Variants in CD209 observed in about 807,000 individuals in gnomAD.
CD209 encodes the protein CD209 molecule, also known as CD209 antigen.
In CD209, 31 loss-of-function variants were observed where a neutral mutation model predicts 44.7. The observed-to-expected ratio is 0.69, with a 90% CI of 0.52 to 0.94. The LOEUF (loss-of-function observed/expected upper bound fraction) is 0.94. CD209 is among the 40% of genes least tolerant of loss of function. The probability of loss-of-function intolerance (pLI) is 0.00; values close to 1 mark genes in which losing one functional copy is unlikely to be tolerated. For synonymous variants in CD209, 173 were observed against 181.3 expected, an observed-to-expected ratio of 0.95 and a Z score of 0.37; for missense variants, 407 against 452.4, an observed-to-expected ratio of 0.90 and a Z score of 0.91.
In CD209 at chr19:7,744,143, G is replaced by A. The variant is rs146002807; in HGVS notation, c.977C>T (p.Thr326Met). The A allele has an allele frequency of 5.8e-5, 94 of 1,613,984 alleles. No homozygotes were observed. The highest frequency in any genetic ancestry group is 7.4e-5 in the Non-Finnish European group (87 of 1,179,972). ...AGGTGAGCCGTCCACCCATTGCCAC[G>A]TGCCTTCCTGATTTAGATCTGAAAG... is the stretch of plus-strand genomic sequence containing the variant. The part of the protein sequence containing the change: ...MGLSDLNQEG[T>M]WQWVDGSPLL... Residue 326 changes from threonine to methionine, a missense_variant, in exon 6 of 7, where the codon ACG (threonine) becomes ATG (methionine). Around this residue, in one of 3 missense-constraint regions of CD209, gnomAD observed 200 missense variants for 202.2 expected, o/e 0.99. Transcript: ENST00000315599.
In CD209 at chr19:7,744,191, C is replaced by A. The variant is rs1172498367; in HGVS notation, c.929G>T (p.Ser310Ile). Residue 310 changes from serine to isoleucine, a missense_variant, in exon 6 of 7, where the codon AGT becomes ATT. By Grantham distance (142) the Ser-to-Ile change is moderately radical (BLOSUM62 -2). This residue lies in a region of CD209 where 200 missense variants were observed against 202.2 expected (regional missense o/e 0.99). Coordinates refer to ENST00000315599, the MANE Select transcript of CD209 (RefSeq NM_021155.4). The stretch of plus-strand genomic sequence containing the variant: ...AAGTCCCATCCAGGTGAAGCGGTTA[C>A]TTCTGGAAGACTGCAGCTGTAGGAA... Reference protein sequence around the residue: ...QNFLQLQSSRSNRFTWMGLSD... With the variant: ...QNFLQLQSSRINRFTWMGLSD... 1.9e-6 allele frequency: 3 copies of A among 1,614,162 alleles called. No homozygotes were observed. Among genetic ancestry groups the A allele is most frequent in the Middle Eastern group, 1.6e-4 (1 of 6,062 alleles).
intron 5 of CD209, 123 bp downstream of exon 5, chr19:7,744,818 T>G: frequency 7.4e-7 from 1 of 1,352,406 alleles, no homozygotes; most frequent in Non-Finnish European, 1.0e-6. Flanking sequence ...ATTCATATCC[T>G]TCTCCTCCCT....
Position 7,744,928 on chromosome 19 carries a change from C to G in CD209, c.900+13G>C, listed in dbSNP as rs1402207989. 6.2e-7 allele frequency: 1 copy of G among 1,614,114 alleles called. No individual in the cohort carries two copies. The highest frequency in any genetic ancestry group is 1.1e-5 in the South Asian group (1 of 91,076). On this transcript the variant is annotated intron_variant, in intron 5 of 6. Coordinates refer to ENST00000315599, the MANE Select transcript of CD209 (RefSeq NM_021155.4). Reference sequence around the variant, plus strand: ...ATGCCCTAGGCCAGGACGGGGACCCCCACCAGGTGTACCTGCTCCTCAGCA... The same window carrying G: ...ATGCCCTAGGCCAGGACGGGGACCCGCACCAGGTGTACCTGCTCCTCAGCA...
In CD209 at chr19:7,741,693, G is replaced by A. The variant is rs1287096756; in HGVS notation, c.*1346C>T. The A allele has an allele frequency of 2.8e-6, 2 of 721,038 alleles. No individual in the cohort carries two copies. The highest frequency in any genetic ancestry group is 1.8e-5 in the African/African-American group (1 of 56,042). The allele number at this position is 721,038 out of a possible 1,614,324, so 44.7% of individuals were successfully genotyped here. A position where few individuals can be genotyped will look rare whatever the true frequency, so the allele number is the denominator to read the frequency against. ...CAGTGTGAATTCTGCCCAGTGGCTC[G>A]GTGGAAAATGATGATTTGTGGTTTA... On this transcript the variant is annotated 3_prime_UTR_variant, in exon 7 of 7. Coordinates refer to ENST00000315599, the MANE Select transcript of CD209 (RefSeq NM_021155.4).
Position 7,747,530 on chromosome 19 carries a change from A to T in CD209, c.-19T>A. On this transcript the variant is annotated 5_prime_UTR_variant, in exon 1 of 7. Coordinates refer to ENST00000315599, the MANE Select transcript of CD209 (RefSeq NM_021155.4). ...CACTCATGTCACCCCACTCTCCCCC[A>T]GTGTCCAGAACTCCTGGGGGCCACA... The T allele has an allele frequency of 2.5e-6, 4 of 1,613,978 alleles. No homozygotes were observed. The highest frequency in any genetic ancestry group is 3.4e-6 in the Non-Finnish European group (4 of 1,179,972).
intron 6 of CD209, among the ~76,000 whole-genome samples, chr19:7,743,503 C>A (rs188298555): frequency 6.6e-6 from 1 of 152,086 alleles, no homozygotes; most frequent in Non-Finnish European, 1.5e-5. Context: ...ACACCTCCAG[C>A]GACCTGCCTT....
chr19:7,745,676 G>C lies in CD209; in HGVS notation c.590C>G (p.Thr197Ser). ...SKQQEIYQEL[T>S]RLKAAVGELP... ...CTCACCCACTGCAGCCTTCAGCCGG[G>C]TCAGCTCCTGGTAGATCTCCTGCTG... The change falls in exon 4 of 7, where the codon ACC (threonine) becomes AGC (serine). Residue 197 changes from threonine to serine, a missense_variant. Thr to Ser is a moderately conservative substitution (Grantham distance 58). Coordinates refer to ENST00000315599, the MANE Select transcript of CD209 (RefSeq NM_021155.4). 1 of 901,500 alleles carries C rather than the reference G, an allele frequency of 1.1e-6. No individual in the cohort carries two copies. The highest frequency in any genetic ancestry group is 1.5e-5 in the South Asian group (1 of 65,858). 55.8% of individuals were successfully genotyped at this position (901,500 alleles called of 1,614,324 possible). A position where few individuals can be genotyped will look rare whatever the true frequency, so the allele number is the denominator to read the frequency against.
chr19:7,745,603 CCGGGT>C lies in CD209; in HGVS notation c.658_662del (p.Thr220AlafsTer7). 1 of 633,932 alleles carries C rather than the reference CCGGGT, an allele frequency of 1.6e-6. No individual in the cohort carries two copies. The highest frequency in any genetic ancestry group is 1.9e-5 in the African/African-American group (1 of 53,878). 39.3% of individuals were successfully genotyped at this position (633,932 alleles called of 1,614,324 possible). On this transcript the variant is annotated frameshift_variant, in exon 4 of 7. Transcript: ENST00000315599. LOFTEE classifies it high-confidence loss of function. The stretch of plus-strand genomic sequence containing the variant: ...GAAGCTCACCCACTGCAGCCTTCAG[CCGGGT>C]CAGCTCCTGGTAGATCTCCTGCTGC...
At position 7,741,523 on chromosome 19, in the gene CD209, G is replaced by A. The variant is rs2033613476; in HGVS notation, c.*1516C>T. 2 of 589,834 alleles carry A rather than the reference G, an allele frequency of 3.4e-6. No homozygotes were observed. The highest frequency in any genetic ancestry group is 2.1e-5 in the Admixed American group (1 of 48,298). 36.5% of individuals were successfully genotyped at this position (589,834 alleles called of 1,614,324 possible). A position where few individuals can be genotyped will look rare whatever the true frequency, so the allele number is the denominator to read the frequency against. On this transcript the variant is annotated 3_prime_UTR_variant, in exon 7 of 7. Coordinates refer to ENST00000315599, the MANE Select transcript of CD209 (RefSeq NM_021155.4). Reference sequence around the variant, plus strand: ...AAATAGTAATTAAAAAATAACGTGGGGAGAGTGATTCAGTTCAAGGTCAGT... The same window carrying A: ...AAATAGTAATTAAAAAATAACGTGGAGAGAGTGATTCAGTTCAAGGTCAGT...
In CD209 at chr19:7,744,064, C is replaced by T. The variant is rs774220438; in HGVS notation, c.1013+43G>A. The T allele has an allele frequency of 1.0e-5, 15 of 1,475,058 alleles. No individual in the cohort carries two copies. In the South Asian group the frequency reaches 1.6e-4, roughly 16 times the overall value. The allele number at this position is 1,475,058 out of a possible 1,614,324, so 91.4% of individuals were successfully genotyped here. The stretch of plus-strand genomic sequence containing the variant: ...AGGGAAAGTTCAAATCAGAGTTTCA[C>T]AATTCCAGCCCCAGTGGATAGGGTG... On this transcript the variant is annotated intron_variant, in intron 6 of 6. Coordinates refer to ENST00000315599, the MANE Select transcript of CD209 (RefSeq NM_021155.4).
intron 5 of CD209, 139 bp from the exon 6 acceptor site, chr19:7,744,358 C>G: frequency 1.6e-6 from 1 of 644,994 alleles, no homozygotes; most frequent in South Asian, 1.9e-5. Context: ...CCCCTCGTGT[C>G]TGAGTCCCTC....
In CD209 at chr19:7,745,512, A is replaced by G. The variant is rs1568513048; in HGVS notation, c.748+6T>C. On this transcript the variant is annotated splice_donor_region_variant and intron_variant, in intron 4 of 6. Coordinates refer to ENST00000315599, the MANE Select transcript of CD209 (RefSeq NM_021155.4). The stretch of plus-strand genomic sequence containing the variant: ...GGCCCAAGAAGCCCTGGTTCCAGAT[A>G]CTCACCCACTGCAGCCTTCAGCTGG... 3 of 1,612,292 alleles carry G rather than the reference A, an allele frequency of 1.9e-6. No homozygotes were observed. Among genetic ancestry groups the G allele is most frequent in the East Asian group, 2.2e-5 (1 of 44,888 alleles).
Position 7,742,846 on chromosome 19 carries a change from C to T in CD209, c.*193G>A. On this transcript the variant is annotated 3_prime_UTR_variant, in exon 7 of 7. Transcript: ENST00000315599. ...CCCCCAAAGGCATCCCACACCAGCT[C>T]ACTCATAAAGCTCCAAGGATGGGCC... 1.7e-6 allele frequency: 1 copy of T among 601,914 alleles called. No individual in the cohort carries two copies. The highest frequency in any genetic ancestry group is 2.0e-5 in the South Asian group (1 of 48,800). The allele number at this position is 601,914 out of a possible 1,614,324, so 37.3% of individuals were successfully genotyped here.
Position 7,745,701 on chromosome 19 carries a change from G to T in CD209, c.565C>A (p.Gln189Lys), listed in dbSNP as rs771369666. ...AVGELPEKSK[Q>K]QEIYQELTRL... is the part of the protein sequence containing the mutation. ...GTCAGCTCCTGGTAGATCTCCTGCT[G>T]CTTAGATTTCTCTGGAAGCTCACCC... The change falls in exon 4 of 7, where the codon CAG (glutamine) becomes AAG (lysine). Residue 189 changes from glutamine to lysine, a missense_variant. Transcript: ENST00000315599. 1.5e-5 allele frequency: 24 copies of T among 1,597,224 alleles called. No homozygotes were observed. In the African/African-American group the frequency reaches 2.7e-4, roughly 18 times the overall value.
Position 7,744,849 on chromosome 19 carries a change from C to A in CD209, c.900+92G>T, listed in dbSNP as rs11465385. The A allele has an allele frequency of 7.2e-6, 11 of 1,531,556 alleles. No individual in the cohort carries two copies. In the Admixed American group the frequency reaches 1.1e-4, roughly 16 times the overall value. The allele number at this position is 1,531,556 out of a possible 1,614,324, so 94.9% of individuals were successfully genotyped here. On this transcript the variant is annotated intron_variant, in intron 5 of 6. Coordinates refer to ENST00000315599, the MANE Select transcript of CD209 (RefSeq NM_021155.4). Reference sequence around the variant, plus strand: ...TCCCTTCTTTCCAAGTGGAGCAAAACCCCTCTTCTGCAAAGTCATCTCTGA... The same window carrying A: ...TCCCTTCTTTCCAAGTGGAGCAAAAACCCTCTTCTGCAAAGTCATCTCTGA...
chr19:7,741,613 C>CA lies in CD209; in HGVS notation c.*1425dup. On this transcript the variant is annotated 3_prime_UTR_variant, in exon 7 of 7. Transcript: ENST00000315599. ...TCAGTACCAGTCGGAAGAAGAATGCCAAGCAGCTCTTTCTCTGTTTAACGG... is the reference window on the plus strand; with the variant it reads ...TCAGTACCAGTCGGAAGAAGAATGCCAAAGCAGCTCTTTCTCTGTTTAACGG... 1 of 899,172 alleles carries CA rather than the reference C, an allele frequency of 1.1e-6. No individual in the cohort carries two copies. Among genetic ancestry groups the CA allele is most frequent in the Non-Finnish European group, 1.8e-6 (1 of 560,884 alleles). The allele number at this position is 899,172 out of a possible 1,614,324, so 55.7% of individuals were successfully genotyped here.
In CD209 at chr19:7,740,102, T is replaced by C. The variant is rs1225114824; in HGVS notation, c.*2937A>G. 1 of 165,530 alleles carries C rather than the reference T, an allele frequency of 6.0e-6. No individual in the cohort carries two copies. The highest frequency in any genetic ancestry group is 1.3e-5 in the Non-Finnish European group (1 of 76,270). The allele number at this position is 165,530 out of a possible 1,614,324, so 10.3% of individuals were successfully genotyped here. On this transcript the variant is annotated 3_prime_UTR_variant, in exon 7 of 7. Transcript: ENST00000315599. ...TGGGGCAGATTTTATATACAGAGGG[T>C]AGTGAGGCATGATATGATTGGATCT...
chr19:7,743,391 C>A, intron 6 of CD209, 151 bp from the exon 7 acceptor site: 1 of 716,820 alleles, frequency 1.4e-6, no homozygotes, highest in African/African-American at 1.7e-5. Flanking sequence ...GCCTGACTCA[C>A]GATGCCTTGA....
At position 7,744,185 on chromosome 19, in the gene CD209, C is replaced by T. The variant is rs75008691; in HGVS notation, c.935G>A (p.Arg312His). The T allele has an allele frequency of 1.3e-4, 203 of 1,614,090 alleles. 1 individual carries two copies. In the East Asian group the frequency reaches 2.8e-3, roughly 22 times the overall value. The change falls in exon 6 of 7, where the codon CGC becomes CAC. Residue 312 changes from arginine (R) to histidine (H), a missense_variant. Physicochemically the swap from Arg to His is conservative, Grantham distance 29 (BLOSUM62 0). Coordinates refer to ENST00000315599, the MANE Select transcript of CD209 (RefSeq NM_021155.4). ...FLQLQSSRSN[R>H]FTWMGLSDLN... is the part of the protein sequence containing the mutation. ...ATCTGAAAGTCCCATCCAGGTGAAGCGGTTACTTCTGGAAGACTGCAGCTG... is the reference window on the plus strand; with the variant it reads ...ATCTGAAAGTCCCATCCAGGTGAAGTGGTTACTTCTGGAAGACTGCAGCTG...
Sources: allele counts gnomAD v4.1 joint callset (sites outside exome capture counted in the v4.1 genomes callset), GRCh38; gene constraint gnomAD v4.1.1; regional missense constraint gnomAD v4.1.1; transcripts MANE v1.5; gene names NCBI Gene and HGNC (gene_info 2026-07-23, HGNC 2026-07-21).